The following LRP1B variants were observed in gnomAD, a reference collection of about 807,000 sequenced individuals.
LRP1B encodes LDL receptor related protein 1B, also known as low-density lipoprotein receptor-related protein 1B.
Under a neutral mutation model 556.6 loss-of-function variants are expected in LRP1B, and 217 were observed. The ratio of observed to expected loss-of-function variants is 0.39; its 90% CI spans 0.35 to 0.44. The LOEUF is 0.44. Ranked by LOEUF, LRP1B falls within the 20% of genes least tolerant of loss-of-function variation. The pLI is 1.00. For synonymous variants in LRP1B, 2,047 were observed against 1,865.8 expected (o/e 1.10, Z -2.50); for missense variants, 5,053 against 5,620.8 (o/e 0.90, Z 3.23).
In LRP1B at chr2:140,780,769, TA is replaced by T. The variant is rs1222691114; in HGVS notation, c.5360-4532del. Among the ~76,000 whole-genome samples the T allele has an allele frequency of 3.3e-5, 5 of 151,920 alleles. No individual in the cohort carries two copies. In the East Asian group the frequency reaches 7.7e-4, roughly 24 times the overall value. On this transcript the variant is annotated intron_variant, in intron 32 of 90. Coordinates refer to ENST00000389484, the MANE Select transcript of LRP1B (RefSeq NM_018557.3). ...TGAACACATCTCTATGGCAGGATAA[TA>T]AAAAAAAGATTTTTCTGATTGCATT...
At chr2:142,001,593 G>T (rs1702656838) in intron 1 of LRP1B, among the ~76,000 whole-genome samples, 1 of 152,156 alleles carries the variant, frequency 6.6e-6, no homozygotes. Context: ...ATGGTGAAAT[G>T]AATTCAGATT....
chr2:140,422,558 A>T (rs2105268091), intron 66 of LRP1B, among the ~76,000 whole-genome samples: 1 of 152,332 alleles, frequency 6.6e-6, no homozygotes. Flanking sequence ...GAGATGAAAC[A>T]AAATGGAATA....
At chr2:141,071,253 AC>A (rs1465895652) in intron 7 of LRP1B, among the ~76,000 whole-genome samples, 2 of 150,308 alleles carry the variant, frequency 1.3e-5, no homozygotes, top group African/African-American at 4.9e-5. Flanking sequence ...AAAGACAAAA[AC>A]CACATGATTA....
At chr2:141,337,843 A>G (rs1180396312) in intron 3 of LRP1B, among the ~76,000 whole-genome samples, 1 of 152,226 alleles carries the variant, frequency 6.6e-6, no homozygotes, top group African/African-American at 2.4e-5. Context: ...AAACCATCTA[A>G]AGTCTTTGAC....
chr2:141,436,038 A>G (rs1680752819), intron 3 of LRP1B, among the ~76,000 whole-genome samples: 1 of 152,138 alleles, frequency 6.6e-6, no homozygotes, highest in African/African-American at 2.4e-5. Flanking sequence ...AGTGTCTAAG[A>G]ATTGGGTCAC....
At chr2:141,544,382 C>CTTT (rs1559131551) in intron 2 of LRP1B, among the ~76,000 whole-genome samples, 4 of 65,738 alleles carry the variant, frequency 6.1e-5, no homozygotes, top group Admixed American at 5.4e-4. Context: ...TCTTCTTCTT[C>CTTT]TCCTCCTCCT....
In LRP1B at chr2:140,232,200, C is replaced by T. The variant is rs1406776938; in HGVS notation, c.*986G>A. 4 of 95,456 alleles carry T rather than the reference C, an allele frequency of 4.2e-5. No individual in the cohort carries two copies. The highest frequency in any genetic ancestry group is 1.1e-4 in the Non-Finnish European group (4 of 37,548). 5.9% of individuals were successfully genotyped at this position (95,456 alleles called of 1,614,324 possible). A position where few individuals can be genotyped will look rare whatever the true frequency, so the allele number is the denominator to read the frequency against. On this transcript the variant is annotated 3_prime_UTR_variant, in exon 91 of 91. Transcript: ENST00000389484. ...CTGTATACTAAAATGTCTGCTTTGC[C>T]CTTTGTTTTTTGACCTAGCAAAGAG...
chr2:141,980,209 G>C (rs377459094), intron 1 of LRP1B, among the ~76,000 whole-genome samples: 8 of 151,998 alleles, frequency 5.3e-5, no homozygotes, highest in African/African-American at 1.9e-4. Context: ...TTGGAAATCA[G>C]TAAACTGGTA....
chr2:141,543,080 A>G (rs997235698), intron 2 of LRP1B, among the ~76,000 whole-genome samples: 1 of 152,192 alleles, frequency 6.6e-6, no homozygotes, highest in African/African-American at 2.4e-5. Flanking sequence ...CCCGTGAATG[A>G]TAGAAATCCA....
At chr2:140,630,249 G>C (rs1171483253) in intron 41 of LRP1B, among the ~76,000 whole-genome samples, 1 of 152,166 alleles carries the variant, frequency 6.6e-6, no homozygotes, top group African/African-American at 2.4e-5. Flanking sequence ...CATGATAAAT[G>C]TTGTGAGCCA....
At chr2:140,272,579 T>C (rs1159994141) in intron 85 of LRP1B, among the ~76,000 whole-genome samples, 2 of 151,988 alleles carry the variant, frequency 1.3e-5, no homozygotes, top group Non-Finnish European at 2.9e-5. Flanking sequence ...ACAAATATAC[T>C]TGATGGCTTG....
At chr2:140,503,573 A>G (rs1174359136) in intron 53 of LRP1B, among the ~76,000 whole-genome samples, 1 of 152,120 alleles carries the variant, frequency 6.6e-6, no homozygotes, top group East Asian at 1.9e-4. Context: ...TGTTAAAATG[A>G]GAAAAATTTA....
chr2:141,144,023 C>T (rs926120197), intron 7 of LRP1B, among the ~76,000 whole-genome samples: 16 of 152,048 alleles, frequency 1.1e-4, no homozygotes, highest in African/African-American at 3.9e-4. Context: ...AGGATATAAA[C>T]CTCTAAAAAT....
At chr2:141,681,254 C>G (rs1206545945) in intron 2 of LRP1B, among the ~76,000 whole-genome samples, 2 of 152,002 alleles carry the variant, frequency 1.3e-5, no homozygotes, top group African/African-American at 4.8e-5. Flanking sequence ...GATCGCACTA[C>G]TGCACTCCAG....
chr2:141,065,778 GT>G (rs967458309), intron 7 of LRP1B, among the ~76,000 whole-genome samples: 6 of 151,740 alleles, frequency 4.0e-5, no homozygotes, highest in Non-Finnish European at 8.8e-5. Flanking sequence ...CATATTTGAT[GT>G]TTTCTGAACA....
At chr2:140,304,603 G>C (rs1458207152) in intron 83 of LRP1B, among the ~76,000 whole-genome samples, 2 of 152,076 alleles carry the variant, frequency 1.3e-5, no homozygotes, top group Non-Finnish European at 2.9e-5. Context: ...CATTCTGTAG[G>C]TTGCCCGTTC....
chr2:140,425,695 C>G (rs542726130), intron 66 of LRP1B, among the ~76,000 whole-genome samples: 1 of 152,112 alleles, frequency 6.6e-6, no homozygotes, highest in Non-Finnish European at 1.5e-5. Flanking sequence ...AGTGAGCCAC[C>G]GTACCCGTCC....
intron 86 of LRP1B, among the ~76,000 whole-genome samples, chr2:140,269,869 A>G (rs1414697263): frequency 1.3e-5 from 2 of 151,826 alleles, no homozygotes; most frequent in African/African-American, 4.8e-5. Flanking sequence ...AAAGAATATT[A>G]CAAGTTCTTG....
rs535163340 is a variant in LRP1B, at chr2:141,343,457, A to T, written c.344-88816T>A. Among the ~76,000 whole-genome samples, 21 of 152,304 alleles carry T rather than the reference A, an allele frequency of 1.4e-4. 1 individual carries two copies. The South Asian group carries it at 4.3e-3, about 32-fold the overall frequency. On this transcript the variant is annotated intron_variant, in intron 3 of 90. Coordinates refer to ENST00000389484, the MANE Select transcript of LRP1B (RefSeq NM_018557.3). ...CTGTCAATTTTTGATTGAACACAAGATAATGTGATTCACGCTTTTGTGTGC... is the reference window on the plus strand; with the variant it reads ...CTGTCAATTTTTGATTGAACACAAGTTAATGTGATTCACGCTTTTGTGTGC...
Sources: gnomAD v4.1 joint callset for allele counts (sites outside exome capture counted in the v4.1 genomes callset) on GRCh38, gnomAD v4.1.1 for gene constraint, MANE v1.5 for transcripts, NCBI Gene and HGNC (gene_info 2026-07-23, HGNC 2026-07-21) for gene names.